The following CDC42BPA variants were observed in gnomAD, a reference collection of about 807,000 sequenced individuals.
The protein encoded by CDC42BPA is CDC42 binding protein kinase alpha.
Under a neutral mutation model 223.5 loss-of-function variants are expected in CDC42BPA, and 80 were observed. The observed-to-expected ratio is 0.36, with a 90% confidence interval of 0.30 to 0.43. The LOEUF (loss-of-function observed/expected upper bound fraction) is 0.43. Among genes scored for constraint, CDC42BPA ranks in the 20% least tolerant of loss-of-function variants. The pLI is 1.00. For synonymous variants in CDC42BPA, 694 were observed against 718.6 expected (o/e 0.97, Z 0.55); for missense variants, 1,743 against 2,099.9 (o/e 0.83, Z 3.32).
chr1:227,023,845 A>G (rs1383860484), intron 31 of CDC42BPA, among the ~76,000 whole-genome samples: 1 of 152,218 alleles, frequency 6.6e-6, no homozygotes, highest in Non-Finnish European at 1.5e-5. Context: ...AAGCTTTACA[A>G]TGTTTGGAGG....
At chr1:227,227,593 A>G (rs927868076) in intron 2 of CDC42BPA, among the ~76,000 whole-genome samples, 1 of 152,228 alleles carries the variant, frequency 6.6e-6, no homozygotes. Context: ...GCATGGCATC[A>G]AAATTAAGTG....
rs1661233972 is a variant in CDC42BPA at position 226,994,677 on chromosome 1, C to T, written c.5133+146G>A. On this transcript the variant is annotated intron_variant, in intron 36 of 36. Coordinates refer to ENST00000366766, the MANE Select transcript of CDC42BPA (RefSeq NM_001394014.1). This position sits in a 1 kb window ranked among gnomAD's most constrained non-coding sequence, Gnocchi z 4.0. ...TGCAGTTTGCAGCCCGAGTGACTGGCCTAGCTGCCCGCTGGCCAAGAGTGA... is the reference window on the plus strand; with the variant it reads ...TGCAGTTTGCAGCCCGAGTGACTGGTCTAGCTGCCCGCTGGCCAAGAGTGA... The T allele has an allele frequency of 9.1e-6, 8 of 877,168 alleles. No homozygotes were observed. The highest frequency in any genetic ancestry group is 2.5e-5 in the Admixed American group (1 of 40,132). 54.3% of individuals were successfully genotyped at this position (877,168 alleles called of 1,614,324 possible). A position where few individuals can be genotyped will look rare whatever the true frequency, so the allele number is the denominator to read the frequency against.
chr1:227,184,142 C>T (rs1668383795), intron 5 of CDC42BPA, among the ~76,000 whole-genome samples: 1 of 152,012 alleles, frequency 6.6e-6, no homozygotes, highest in Non-Finnish European at 1.5e-5. Flanking sequence ...CACTTTGTAG[C>T]TTGTCTTTTT....
intron 12 of CDC42BPA, among the ~76,000 whole-genome samples, chr1:227,114,409 C>T (rs1687449310): frequency 6.7e-6 from 1 of 150,120 alleles, no homozygotes; most frequent in East Asian, 1.9e-4. Context: ...ACAGAGCTTA[C>T]CATAATCAGA....
intron 22 of CDC42BPA, among the ~76,000 whole-genome samples, chr1:227,049,691 A>G (rs1418626991): frequency 6.6e-6 from 1 of 152,194 alleles, no homozygotes; most frequent in East Asian, 1.9e-4. Context: ...CTGCCAATGC[A>G]GGAAAAACCA....
chr1:227,253,607 A>ATAC lies in CDC42BPA; in HGVS notation c.270+456_270+457insGTA, dbSNP rs1682509912. Among the ~76,000 whole-genome samples, 282 of 116,538 alleles carry ATAC rather than the reference A, an allele frequency of 2.4e-3. 1 individual carries two copies. Among genetic ancestry groups the ATAC allele is most frequent in the African/African-American group, 8.7e-3 (259 of 29,818 alleles). The allele number at this position is 116,538 out of a possible 152,430, so 76.5% of individuals were successfully genotyped here. A position where few individuals can be genotyped will look rare whatever the true frequency, so the allele number is the denominator to read the frequency against. ...GGAAACTCCATCTCAAAAATAAATAAATACATACATACATACATACATACA... is the reference window on the plus strand; with the variant it reads ...GGAAACTCCATCTCAAAAATAAATAATACATACATACATACATACATACATACA... On this transcript the variant is annotated intron_variant, in intron 2 of 36. Transcript: ENST00000366766.
At chr1:227,036,720 G>A (rs1273111055) in intron 24 of CDC42BPA, among the ~76,000 whole-genome samples, 1 of 152,080 alleles carries the variant, frequency 6.6e-6, no homozygotes, top group Non-Finnish European at 1.5e-5. Context: ...TTGAGCCACC[G>A]CGCCCGGCCT....
intron 2 of CDC42BPA, among the ~76,000 whole-genome samples, chr1:227,237,642 A>G (rs918195048): frequency 6.6e-6 from 1 of 152,128 alleles, no homozygotes; most frequent in Admixed American, 6.6e-5. Flanking sequence ...TTTACACTTG[A>G]ATTTTGATCC....
chr1:227,276,258 C>T (rs1242659329), intron 1 of CDC42BPA, among the ~76,000 whole-genome samples: 1 of 151,672 alleles, frequency 6.6e-6, no homozygotes, highest in Non-Finnish European at 1.5e-5. Context: ...GCCGCGACCC[C>T]GTCTGGGATC....
chr1:227,042,310 A>C (rs1400409629), intron 23 of CDC42BPA, among the ~76,000 whole-genome samples: 1 of 151,544 alleles, frequency 6.6e-6, no homozygotes, highest in African/African-American at 2.4e-5. Flanking sequence ...ATATATATAT[A>C]TATATCATAC....
At chr1:227,117,385 T>G (rs1357488641) in intron 12 of CDC42BPA, among the ~76,000 whole-genome samples, 4 of 152,128 alleles carry the variant, frequency 2.6e-5, no homozygotes, top group African/African-American at 9.7e-5. Context: ...GACATGATCA[T>G]GGCTCACTGC....
At chr1:227,201,614 T>G (rs1671769336) in intron 3 of CDC42BPA, among the ~76,000 whole-genome samples, 1 of 152,138 alleles carries the variant, frequency 6.6e-6, no homozygotes, top group African/African-American at 2.4e-5. Context: ...CATTATTAAC[T>G]CTTTGGTCAA....
chr1:227,030,698 T>TAATAAATGATGAAACA (rs1377746639), intron 28 of CDC42BPA, among the ~76,000 whole-genome samples: 1 of 152,220 alleles, frequency 6.6e-6, no homozygotes, highest in Non-Finnish European at 1.5e-5. Context: ...AGTAAATGTT[T>TAATAAATGATGAAACA]AATAAATGAT....
chr1:227,030,527 A>T, intron 28 of CDC42BPA, 57 bp from the exon 29 acceptor site: 1 of 1,017,490 alleles, frequency 9.8e-7, no homozygotes, highest in Admixed American at 2.4e-5. Flanking sequence ...TGTAATGCTA[A>T]TAAACCAGAT....
chr1:227,095,201 A>G (rs1428809365), intron 15 of CDC42BPA, among the ~76,000 whole-genome samples: 2 of 152,232 alleles, frequency 1.3e-5, no homozygotes, highest in Non-Finnish European at 2.9e-5. Context: ...CGTATACTTA[A>G]TAACATCTAT....
chr1:227,185,864 T>C lies in CDC42BPA; in HGVS notation c.599+7922A>G, dbSNP rs536782409. On this transcript the variant is annotated intron_variant, in intron 5 of 36. Transcript: ENST00000366766. ...TTGAAATCTAAGTTTTAAAAGATTA[T>C]GGGGAGACTTCCACTTCCAGTATGT... Among the ~76,000 whole-genome samples, 3 of 152,276 alleles carry C rather than the reference T, an allele frequency of 2.0e-5. No homozygotes were observed. In the South Asian group the frequency reaches 6.2e-4, roughly 32 times the overall value.
chr1:227,177,842 CT>C (rs1156405410), intron 5 of CDC42BPA, among the ~76,000 whole-genome samples: 1 of 152,006 alleles, frequency 6.6e-6, no homozygotes, highest in Non-Finnish European at 1.5e-5. Context: ...ATCTTTTTGT[CT>C]GTTTTTCATG....
chr1:227,034,693 A>C lies in CDC42BPA; in HGVS notation c.3438T>G (p.Ser1146=). 1 of 1,613,754 alleles carries C rather than the reference A, an allele frequency of 6.2e-7. No homozygotes were observed. Among genetic ancestry groups the C allele is most frequent in the Non-Finnish European group, 8.5e-7 (1 of 1,179,774 alleles). The change falls in exon 26 of 37, where the codon TCT becomes TCG. Residue 1146 remains serine (S), a synonymous_variant. Transcript: ENST00000366766. The stretch of plus-strand genomic sequence containing the variant: ...CTTGACTAATGACAACACTGGGCTG[A>C]GATGCTTTTCCTTCAGCAATATCGT... ...FLYDIAEGKA[S]QPSVVISQVI...
chr1:227,074,039 T>C (rs1678960646), intron 18 of CDC42BPA, 27 bp from the exon 19 acceptor site: 4 of 1,599,566 alleles, frequency 2.5e-6, no homozygotes, highest in Non-Finnish European at 3.4e-6. Context: ...GTGTTTTTAG[T>C]TCCATCCTAT....
Sources: gnomAD v4.1 joint callset for allele counts (sites outside exome capture counted in the v4.1 genomes callset) on GRCh38, gnomAD v4.1.1 for gene constraint, Gnocchi (gnomAD v3.1) non-coding constraint, MANE v1.5 for transcripts, NCBI Gene and HGNC (gene_info 2026-07-23, HGNC 2026-07-21) for gene names.